PTPRK: variants seen among roughly 807,000 people sequenced by gnomAD.
PTPRK encodes the protein protein tyrosine phosphatase receptor type K, also known as receptor-type tyrosine-protein phosphatase kappa.
A neutral mutation model predicts 178.0 loss-of-function variants in PTPRK; 75 were observed. That is an observed-to-expected ratio of 0.42 (90% CI 0.35 to 0.51). The LOEUF (loss-of-function observed/expected upper bound fraction) is 0.51. PTPRK is among the 20% of genes least tolerant of loss of function. The pLI is 0.02. For missense variants in PTPRK, 1,441 were observed against 1,797.8 expected (o/e 0.80, Z 3.59); for synonymous variants, 637 against 620.6 (o/e 1.03, Z -0.39).
At chr6:128,402,368 C>G (rs941231286) in intron 1 of PTPRK, among the ~76,000 whole-genome samples, 2 of 152,126 alleles carry the variant, frequency 1.3e-5, no homozygotes, top group Admixed American at 1.3e-4. Flanking sequence ...AGCGATCCTC[C>G]TGCCTCAGCC....
chr6:128,050,281 G>T (rs112969687), intron 13 of PTPRK, among the ~76,000 whole-genome samples: 141 of 152,292 alleles, frequency 9.3e-4, no homozygotes, highest in African/African-American at 3.2e-3. Context: ...CTCTAGTGTT[G>T]CTCCATGTTC....
intron 10 of PTPRK, among the ~76,000 whole-genome samples, chr6:128,082,180 G>T (rs919124651): frequency 1.3e-5 from 2 of 152,010 alleles, no homozygotes; most frequent in African/African-American, 4.8e-5. Flanking sequence ...AATGAATTTT[G>T]AAAGATTTTT....
At chr6:128,496,258 T>C (rs551280986) in intron 1 of PTPRK, among the ~76,000 whole-genome samples, 2 of 152,236 alleles carry the variant, frequency 1.3e-5, no homozygotes, top group East Asian at 3.9e-4. Flanking sequence ...ATTCCAGCAA[T>C]GTGATTATCA....
At chr6:128,177,732 T>C (rs1177635320) in intron 7 of PTPRK, among the ~76,000 whole-genome samples, 1 of 151,848 alleles carries the variant, frequency 6.6e-6, no homozygotes, top group Non-Finnish European at 1.5e-5. Flanking sequence ...ATTTCATATT[T>C]GTTCAACTTT....
chr6:128,114,577 C>T (rs1235566007), intron 7 of PTPRK, among the ~76,000 whole-genome samples: 2 of 148,872 alleles, frequency 1.3e-5, no homozygotes, highest in African/African-American at 2.5e-5. Context: ...GAGCCAAGGT[C>T]GCGCCACTGC....
chr6:128,321,893 T>C lies in PTPRK; in HGVS notation c.495+146A>G, dbSNP rs530387398. The C allele has an allele frequency of 2.7e-5, 27 of 993,802 alleles. No homozygotes were observed. The East Asian group carries it at 6.7e-4, about 25-fold the overall frequency. The allele number at this position is 993,802 out of a possible 1,614,324, so 61.6% of individuals were successfully genotyped here. On this transcript the variant is annotated intron_variant, in intron 3 of 29. Transcript: ENST00000368226. The stretch of plus-strand genomic sequence containing the variant: ...ACCATGGGATGCATATGTATATCTA[T>C]GTATGACACTTCCCCAATAATGGGG...
At chr6:128,409,557 T>A (rs960387895) in intron 1 of PTPRK, among the ~76,000 whole-genome samples, 2 of 152,178 alleles carry the variant, frequency 1.3e-5, no homozygotes, top group African/African-American at 4.8e-5. Context: ...AGCCTGGCAT[T>A]AGTAAAATAA....
At chr6:128,224,301 A>G (rs186906294) in intron 5 of PTPRK, among the ~76,000 whole-genome samples, 2 of 152,292 alleles carry the variant, frequency 1.3e-5, no homozygotes, top group African/African-American at 4.8e-5. Flanking sequence ...TCACTTACCA[A>G]GTAACCCTGG....
intron 5 of PTPRK, among the ~76,000 whole-genome samples, chr6:128,231,773 G>T (rs1051309695): frequency 1.3e-5 from 2 of 152,108 alleles, no homozygotes; most frequent in Non-Finnish European, 2.9e-5. Context: ...AGACAAATGC[G>T]CTCCAAAACT....
chr6:128,254,120 T>C (rs1410926532), intron 3 of PTPRK, among the ~76,000 whole-genome samples: 4 of 152,128 alleles, frequency 2.6e-5, no homozygotes, highest in East Asian at 1.9e-4. Flanking sequence ...AAATTAGTTA[T>C]GGTTGGAGGG....
chr6:128,036,054 G>A lies in PTPRK; in HGVS notation c.2195-26786C>T, dbSNP rs1233755631. Among the ~76,000 whole-genome samples the A allele has an allele frequency of 3.9e-5, 6 of 152,268 alleles. No individual in the cohort carries two copies. In the South Asian group the frequency reaches 8.3e-4, roughly 21 times the overall value. The stretch of plus-strand genomic sequence containing the variant: ...AATTACGTATGTTGGTAAATGGAAT[G>A]GAATGGATTTTTCTTTTTCATAGTA... On this transcript the variant is annotated intron_variant, in intron 13 of 29. Transcript: ENST00000368226.
intron 21 of PTPRK, among the ~76,000 whole-genome samples, chr6:127,989,083 T>C (rs1187472830): frequency 6.6e-6 from 1 of 152,132 alleles, no homozygotes; most frequent in African/African-American, 2.4e-5. Flanking sequence ...GGTCAGCAGT[T>C]TGTCATCATT....
intron 2 of PTPRK, among the ~76,000 whole-genome samples, chr6:128,376,786 T>C (rs1179949313): frequency 6.6e-6 from 1 of 152,200 alleles, no homozygotes; most frequent in Non-Finnish European, 1.5e-5. Flanking sequence ...TTTCACCAGA[T>C]AACCTAAATC....
intron 7 of PTPRK, among the ~76,000 whole-genome samples, chr6:128,181,309 T>A (rs1271453485): frequency 6.6e-6 from 1 of 152,098 alleles, no homozygotes; most frequent in East Asian, 1.9e-4. Flanking sequence ...TTAAAAACAG[T>A]AAATTGTAAG....
intron 5 of PTPRK, among the ~76,000 whole-genome samples, chr6:128,229,016 C>A (rs1811871443): frequency 6.6e-6 from 1 of 152,084 alleles, no homozygotes; most frequent in South Asian, 2.1e-4. Flanking sequence ...TTATCAACAT[C>A]TAAGAACTCA....
At chr6:128,178,611 AT>A in intron 7 of PTPRK, among the ~76,000 whole-genome samples, 1 of 151,926 alleles carries the variant, frequency 6.6e-6, no homozygotes, top group East Asian at 1.9e-4. Flanking sequence ...GAATTTATGG[AT>A]TTCCTGTTTC....
At chr6:128,247,646 A>T (rs1185876259) in intron 3 of PTPRK, among the ~76,000 whole-genome samples, 1 of 152,186 alleles carries the variant, frequency 6.6e-6, no homozygotes, top group Non-Finnish European at 1.5e-5. Flanking sequence ...CTGTAACTTT[A>T]ACTTATGTAA....
At chr6:128,177,804 A>G (rs1801300753) in intron 7 of PTPRK, among the ~76,000 whole-genome samples, 1 of 151,828 alleles carries the variant, frequency 6.6e-6, no homozygotes, top group Admixed American at 6.6e-5. Context: ...ATAGGTGTTG[A>G]TTACCTTATA....
chr6:128,083,741 G>T lies in PTPRK; in HGVS notation c.1549C>A (p.Pro517Thr), dbSNP rs776651524. The change falls in exon 9 of 30, where the codon CCA becomes ACA. Residue 517 changes from proline (P) to threonine (T), a missense_variant. Coordinates refer to ENST00000368226, the MANE Select transcript of PTPRK (RefSeq NM_002844.4). ...TCATATTGAGTGATGATTCCATTTG[G>T]ATCCAAAGGTTCTTTCCAGTTCAAG... ...IFLNWKEPLD[P>T]NGIITQYEIS... The T allele has an allele frequency of 1.2e-6, 2 of 1,600,452 alleles. No homozygotes were observed. The highest frequency in any genetic ancestry group is 1.1e-5 in the South Asian group (1 of 89,954).
Sources: allele counts gnomAD v4.1 joint callset (sites outside exome capture counted in the v4.1 genomes callset), GRCh38; gene constraint gnomAD v4.1.1; transcripts MANE v1.5; gene names NCBI Gene and HGNC (gene_info 2026-07-23, HGNC 2026-07-21).